GPHN: variants seen among roughly 807,000 people sequenced by gnomAD.
The protein encoded by GPHN is gephyrin.
GPHN carries 17 observed loss-of-function variants against 95.5 expected under a neutral mutation model. The observed-to-expected ratio is 0.18, with a 90% CI of 0.12 to 0.27. GPHN has a LOEUF of 0.27. GPHN is among the 10% of genes least tolerant of loss of function. The pLI, the probability that GPHN is intolerant of heterozygous loss-of-function variation, is 1.00. For synonymous variants in GPHN, 320 were observed against 322.5 expected (o/e 0.99, Z 0.08); for missense variants, 660 against 978.1 (o/e 0.67, Z 4.34).
At chr14:67,218,067 G>C in the GPHN span, among the ~76,000 whole-genome samples, 1 of 152,164 alleles carries the variant, frequency 6.6e-6, no homozygotes, top group East Asian at 1.9e-4. Context: ...CAGTGGCCTA[G>C]GCTTAGAGAG....
chr14:67,070,329 T>A (rs10873199), intron 11 of GPHN, among the ~76,000 whole-genome samples: 29,910 of 110,812 alleles, frequency 0.27, 3,351 homozygotes, highest in Non-Finnish European at 0.3. Flanking sequence ...TTAAATATTT[T>A]TATATATATA....
At chr14:66,913,400 G>A (rs2065764945) in intron 5 of GPHN, among the ~76,000 whole-genome samples, 1 of 152,084 alleles carries the variant, frequency 6.6e-6, no homozygotes. Flanking sequence ...GGAGTGCAAT[G>A]GCACAATCTC....
intron 15 of GPHN, 23 bp from the exon 16 acceptor site, chr14:67,112,995 T>A: frequency 6.2e-7 from 1 of 1,612,166 alleles, no homozygotes; most frequent in Non-Finnish European, 8.5e-7. Flanking sequence ...TCACACTGCT[T>A]ATGGTTCTGC....
chr14:67,651,850 G>C, the GPHN span: 1 of 178,634 alleles, frequency 5.6e-6, no homozygotes, highest in African/African-American at 2.4e-5. Flanking sequence ...TAGAAGCCTG[G>C]GTAATACCTT....
At chr14:66,929,242 G>C (rs112958024) in intron 8 of GPHN, among the ~76,000 whole-genome samples, 2,295 of 151,638 alleles carry the variant, frequency 0.015, 31 homozygotes, top group Non-Finnish European at 0.018. Flanking sequence ...TTAGTAGAGA[G>C]GGGGTTTCAC....
the GPHN span, among the ~76,000 whole-genome samples, chr14:67,232,435 C>T: frequency 1.3e-5 from 2 of 152,328 alleles, no homozygotes; most frequent in East Asian, 3.9e-4. Flanking sequence ...CTTCAGGTGA[C>T]TGCAGTCCAG....
At chr14:67,414,344 C>G in the GPHN span, among the ~76,000 whole-genome samples, 2 of 152,206 alleles carry the variant, frequency 1.3e-5, no homozygotes, top group East Asian at 3.9e-4. Context: ...GAGTCATACC[C>G]CTTCCTTCCC....
the GPHN span, among the ~76,000 whole-genome samples, chr14:67,487,867 T>C: frequency 6.6e-6 from 1 of 151,994 alleles, no homozygotes; most frequent in Non-Finnish European, 1.5e-5. Flanking sequence ...TGGCCAACCC[T>C]CCCACCTCAG....
At chr14:66,874,036 G>C (rs918774020) in intron 4 of GPHN, among the ~76,000 whole-genome samples, 16 of 152,198 alleles carry the variant, frequency 1.1e-4, no homozygotes, top group African/African-American at 3.9e-4. Flanking sequence ...GCCGCTCTGG[G>C]ACGAAGCTTC....
chr14:66,715,398 A>G (rs7147505), intron 2 of GPHN, among the ~76,000 whole-genome samples: 47,302 of 152,024 alleles, frequency 0.31, 11,170 homozygotes, highest in African/African-American at 0.64. Flanking sequence ...CTAATGGTCT[A>G]TCAATTTTAT....
the GPHN span, chr14:67,576,048 T>G: frequency 2.1e-6 from 3 of 1,451,352 alleles, no homozygotes; most frequent in Non-Finnish European, 2.8e-6. This position sits in a 1 kb window ranked among gnomAD's most constrained non-coding sequence, Gnocchi z 4.0. Flanking sequence ...CTTGGACCTG[T>G]GATTCTGATC....
At chr14:67,600,372 G>A in the GPHN span, 18 of 567,094 alleles carry the variant, frequency 3.2e-5, no homozygotes, top group East Asian at 4.3e-4. Context: ...TGATGGTTGT[G>A]CGTTCTTCCG....
chr14:67,091,948 G>C (rs938381492), intron 12 of GPHN, among the ~76,000 whole-genome samples: 2 of 151,828 alleles, frequency 1.3e-5, no homozygotes, highest in African/African-American at 4.8e-5. Context: ...TCTTGCAAAG[G>C]GTTGGTACTT....
At chr14:67,724,414 T>G in the GPHN span, 14 of 1,012,296 alleles carry the variant, frequency 1.4e-5, no homozygotes, top group East Asian at 9.0e-5. Context: ...TTTTTTAACG[T>G]ATCTTAGTGT....
the GPHN span, among the ~76,000 whole-genome samples, chr14:67,460,851 C>T: frequency 6.6e-6 from 1 of 152,138 alleles, no homozygotes; most frequent in Admixed American, 6.5e-5. Context: ...TTCTGGAATC[C>T]AAAAAGTCTT....
intron 5 of GPHN, among the ~76,000 whole-genome samples, chr14:66,882,569 C>A (rs536582828): frequency 6.6e-6 from 1 of 151,608 alleles, no homozygotes; most frequent in East Asian, 1.9e-4. Context: ...ATGTTAATGT[C>A]TTTTTTGTTT....
chr14:66,764,905 T>C (rs1218070635), intron 2 of GPHN, among the ~76,000 whole-genome samples: 1 of 152,168 alleles, frequency 6.6e-6, no homozygotes, highest in Non-Finnish European at 1.5e-5. Flanking sequence ...CAGTCATTAT[T>C]ATTTTAAAAA....
downstream of GPHN, among the ~76,000 whole-genome samples, chr14:67,183,344 A>AG (rs1349552593): frequency 2.0e-5 from 3 of 152,252 alleles, no homozygotes; most frequent in Non-Finnish European, 2.9e-5. Context: ...AATAAAACAC[A>AG]TTATGTAGAA....
chr14:66,722,984 C>G lies in GPHN; in HGVS notation c.143+41799C>G, dbSNP rs535758588. 7.0e-4 allele frequency among the ~76,000 whole-genome samples: 106 copies of G among 152,248 alleles called. 2 individuals carry two copies. Among genetic ancestry groups the G allele is most frequent in the Admixed American group, 5.2e-4 (8 of 15,282 alleles). ...TTTCCCTTAACAAACCCACATCCTT[C>G]ATTCTTTTCCTCATCAAAAAACACA... On this transcript the variant is annotated intron_variant, in intron 2 of 22. Transcript: ENST00000478722.
Sources: allele counts gnomAD v4.1 joint callset (sites outside exome capture counted in the v4.1 genomes callset), GRCh38; gene constraint gnomAD v4.1.1; non-coding constraint Gnocchi (gnomAD v3.1); transcripts MANE v1.5; gene names NCBI Gene and HGNC (gene_info 2026-07-23, HGNC 2026-07-21).